The following ROBO2 variants were observed in gnomAD, a reference collection of about 807,000 sequenced individuals.
ROBO2 encodes the protein roundabout homolog 2.
A neutral mutation model predicts 160.8 loss-of-function variants in ROBO2; 53 were observed. The observed-to-expected ratio is 0.33, with a 90% CI of 0.26 to 0.41. The LOEUF (loss-of-function observed/expected upper bound fraction) is 0.41. ROBO2 is among the 10% of genes least tolerant of loss of function. The pLI is 1.00. For missense variants in ROBO2, 1,577 were observed against 1,722.4 expected (o/e 0.92, Z 1.49); for synonymous variants, 664 against 611.7 (o/e 1.09, Z -1.26).
intron 2 of ROBO2, among the ~76,000 whole-genome samples, chr3:77,345,725 A>G (rs908207085): frequency 6.6e-6 from 1 of 152,148 alleles, no homozygotes; most frequent in Admixed American, 6.6e-5. Flanking sequence ...AACTTTGTAA[A>G]TCAAAAGGTG....
chr3:76,110,340 T>C (rs1200626690), intron 2 of ROBO2, among the ~76,000 whole-genome samples: 1 of 152,040 alleles, frequency 6.6e-6, no homozygotes, highest in Non-Finnish European at 1.5e-5. Flanking sequence ...TAAAGTTAAG[T>C]AACATGACAG....
At chr3:77,360,950 T>C (rs147144096) in intron 2 of ROBO2, among the ~76,000 whole-genome samples, 24 of 152,246 alleles carry the variant, frequency 1.6e-4, no homozygotes, top group African/African-American at 5.5e-4. Flanking sequence ...TGATTTTTCT[T>C]AATTTGGTGA....
At chr3:76,538,359 A>G (rs1021051667) in intron 2 of ROBO2, among the ~76,000 whole-genome samples, 1 of 152,284 alleles carries the variant, frequency 6.6e-6, no homozygotes, top group Non-Finnish European at 1.5e-5. Flanking sequence ...AACTTCTACA[A>G]AGAAGTTGTC....
intron 2 of ROBO2, among the ~76,000 whole-genome samples, chr3:77,213,935 T>G (rs576389324): frequency 1.9e-3 from 297 of 152,318 alleles, no homozygotes; most frequent in Non-Finnish European, 3.8e-3. Context: ...TGCACTGTGG[T>G]CTGAGAGACA....
At chr3:76,707,194 T>C (rs1316057501) in intron 2 of ROBO2, among the ~76,000 whole-genome samples, 1 of 152,066 alleles carries the variant, frequency 6.6e-6, no homozygotes. Flanking sequence ...GATCCAACTT[T>C]TCCCCTCTGA....
intron 2 of ROBO2, among the ~76,000 whole-genome samples, chr3:77,005,531 A>T (rs1228477925): frequency 6.6e-6 from 1 of 152,190 alleles, no homozygotes; most frequent in Non-Finnish European, 1.5e-5. Flanking sequence ...TAATGAGAAA[A>T]GAAAGAAGTT....
intron 2 of ROBO2, among the ~76,000 whole-genome samples, chr3:77,111,591 TAC>T (rs1353646863): frequency 6.6e-6 from 1 of 152,230 alleles, no homozygotes; most frequent in Non-Finnish European, 1.5e-5. Context: ...ACATTCTGTG[TAC>T]AGTTTCATGA....
intron 2 of ROBO2, among the ~76,000 whole-genome samples, chr3:75,989,980 A>T (rs1045867448): frequency 2.0e-5 from 3 of 152,092 alleles, no homozygotes; most frequent in African/African-American, 7.2e-5. Context: ...TTAATAATTG[A>T]TTTCTCAAGG....
intron 2 of ROBO2, among the ~76,000 whole-genome samples, chr3:76,676,297 C>T (rs532516886): frequency 6.6e-6 from 1 of 151,790 alleles, no homozygotes; most frequent in South Asian, 2.1e-4. Context: ...AGGGTTTGCC[C>T]CTCTTCACTT....
chr3:76,268,170 G>T lies in ROBO2; in HGVS notation c.109+330568G>T, dbSNP rs147213505. Among the ~76,000 whole-genome samples, 1,192 of 152,148 alleles carry T rather than the reference G, an allele frequency of 7.8e-3. 6 individuals are homozygous for T. Among genetic ancestry groups the T allele is most frequent in the African/African-American group, 0.024 (1,012 of 41,500 alleles). On this transcript the variant is annotated intron_variant, in intron 2 of 26. Transcript: ENST00000487694. ...CTGTAGTCTCAGTTACTCAGGAGAC[G>T]GAGGTGGGAGGATCACTTGATTCCA...
Position 76,376,005 on chromosome 3 carries a change from G to A in ROBO2, c.109+438403G>A, listed in dbSNP as rs549556025. Among the ~76,000 whole-genome samples, 12 of 151,962 alleles carry A rather than the reference G, an allele frequency of 7.9e-5. No individual in the cohort carries two copies. In the South Asian group the frequency reaches 8.3e-4, roughly 11 times the overall value. Reference sequence around the variant, plus strand: ...TTTTCATATTGCATTGCACTGTTTCGTAATATCTGTATTTTTACTTTAATC... The same window carrying A: ...TTTTCATATTGCATTGCACTGTTTCATAATATCTGTATTTTTACTTTAATC... On this transcript the variant is annotated intron_variant, in intron 2 of 26. Transcript: ENST00000487694.
At chr3:77,348,594 T>C (rs2067944590) in intron 2 of ROBO2, among the ~76,000 whole-genome samples, 1 of 152,190 alleles carries the variant, frequency 6.6e-6, no homozygotes, top group Non-Finnish European at 1.5e-5. Flanking sequence ...CCAGCTCCTA[T>C]TCAAGATGGA....
chr3:76,735,954 T>C (rs2093703816), intron 2 of ROBO2, among the ~76,000 whole-genome samples: 1 of 151,810 alleles, frequency 6.6e-6, no homozygotes. Flanking sequence ...AAAATAACTT[T>C]ATTCTAAAAT....
intron 17 of ROBO2, among the ~76,000 whole-genome samples, chr3:77,592,831 C>T (rs147942151): frequency 0.099 from 15,109 of 152,136 alleles, 955 homozygotes; most frequent in Middle Eastern, 0.19. Flanking sequence ...GGATTACAGG[C>T]GTGAGCCACC....
intron 11 of ROBO2, chr3:77,564,588 GGT>G (rs2093425791): frequency 2.4e-6 from 1 of 411,346 alleles, no homozygotes; most frequent in South Asian, 1.9e-5. Flanking sequence ...TTCTTTTCAA[GGT>G]ATATATATAT....
chr3:76,881,070 C>T (rs984146472), intron 2 of ROBO2, among the ~76,000 whole-genome samples: 17 of 152,282 alleles, frequency 1.1e-4, no homozygotes, highest in East Asian at 9.7e-4. Context: ...AATTACAATA[C>T]ACTGTACCTA....
chr3:77,269,892 TA>T (rs2059380341), intron 2 of ROBO2, among the ~76,000 whole-genome samples: 1 of 152,162 alleles, frequency 6.6e-6, no homozygotes, highest in African/African-American at 2.4e-5. Flanking sequence ...TTGTTTCTTT[TA>T]AAAATAAACT....
chr3:76,836,209 C>CTACTTGATGAT (rs1356262670), intron 2 of ROBO2, among the ~76,000 whole-genome samples: 1 of 151,848 alleles, frequency 6.6e-6, no homozygotes, highest in Admixed American at 6.6e-5. Flanking sequence ...TTTACCTGGT[C>CTACTTGATGAT]TACTACTTGT....
chr3:77,302,806 T>A (rs1007275620), intron 2 of ROBO2, among the ~76,000 whole-genome samples: 1 of 152,172 alleles, frequency 6.6e-6, no homozygotes, highest in African/African-American at 2.4e-5. Flanking sequence ...ATGACCTTTT[T>A]ATTGAGAAAG....
Sources: gnomAD v4.1 joint callset for allele counts (sites outside exome capture counted in the v4.1 genomes callset) on GRCh38, gnomAD v4.1.1 for gene constraint, MANE v1.5 for transcripts, NCBI Gene and HGNC (gene_info 2026-07-23, HGNC 2026-07-21) for gene names.